Variants in GRAMD1C observed in about 807,000 individuals in gnomAD.
GRAMD1C encodes GRAM domain containing 1C.
A neutral mutation model predicts 97.8 loss-of-function variants in GRAMD1C; 89 were observed. The ratio of observed to expected loss-of-function variants is 0.91; its 90% CI spans 0.77 to 1.09. GRAMD1C has a LOEUF of 1.09. GRAMD1C is among the 50% of genes least tolerant of loss of function. GRAMD1C has a pLI of 0.00. For synonymous variants in GRAMD1C, 256 were observed against 267.0 expected, an observed-to-expected ratio of 0.96 and a Z score of 0.40; for missense variants, 740 against 766.4, an observed-to-expected ratio of 0.97 and a Z score of 0.41.
intron 9 of GRAMD1C, chr3:113,913,101 G>A: frequency 1.6e-6 from 2 of 1,283,534 alleles, no homozygotes; most frequent in Non-Finnish European, 2.0e-6. Flanking sequence ...TTAGTCATAC[G>A]CTGTTTACCT....
intron 8 of GRAMD1C, among the ~76,000 whole-genome samples, chr3:113,906,730 G>A (rs1577190068): frequency 6.6e-6 from 1 of 152,050 alleles, no homozygotes; most frequent in South Asian, 2.1e-4. Flanking sequence ...AATGTCCCAG[G>A]CCTTCACATT....
At chr3:113,923,938 T>C (rs1190386049) in intron 10 of GRAMD1C, among the ~76,000 whole-genome samples, 1 of 152,172 alleles carries the variant, frequency 6.6e-6, no homozygotes, top group African/African-American at 2.4e-5. Flanking sequence ...GGTTTTTAAT[T>C]ACTGGTTCAA....
intron 5 of GRAMD1C, among the ~76,000 whole-genome samples, chr3:113,877,299 A>ATAT (rs1303776803): frequency 6.6e-6 from 1 of 152,240 alleles, no homozygotes; most frequent in Non-Finnish European, 1.5e-5. Flanking sequence ...ACATTTTTCT[A>ATAT]TATAACCACA....
At chr3:113,883,965 G>A (rs1338220639) in intron 6 of GRAMD1C, among the ~76,000 whole-genome samples, 1 of 152,110 alleles carries the variant, frequency 6.6e-6, no homozygotes, top group Admixed American at 6.5e-5. Context: ...GGGAAACATG[G>A]TGAAACCCCA....
intron 10 of GRAMD1C, among the ~76,000 whole-genome samples, chr3:113,928,633 A>C (rs1416967987): frequency 1.3e-5 from 2 of 152,080 alleles, no homozygotes; most frequent in Non-Finnish European, 2.9e-5. Context: ...GTAACGCTCC[A>C]TTTCTTCCAT....
At chr3:113,865,878 G>A (rs1350202558) in intron 2 of GRAMD1C, among the ~76,000 whole-genome samples, 2 of 152,038 alleles carry the variant, frequency 1.3e-5, no homozygotes, top group African/African-American at 4.8e-5. Flanking sequence ...GGATTAAGAT[G>A]ATTTGAAGTT....
At chr3:113,835,221 CTACTGTTT>C (rs1709617397), upstream of GRAMD1C, among the ~76,000 whole-genome samples, 1 of 152,214 alleles carries the variant, frequency 6.6e-6, no homozygotes, top group South Asian at 2.1e-4. Context: ...CCCAGCAATG[CTACTGTTT>C]TACTGTTTTC....
upstream of GRAMD1C, among the ~76,000 whole-genome samples, chr3:113,836,320 G>A (rs960042672): frequency 6.6e-6 from 1 of 152,144 alleles, no homozygotes; most frequent in African/African-American, 2.4e-5. Flanking sequence ...CTGACATTTT[G>A]TGGAACTGGA....
In GRAMD1C at chr3:113,946,852, T is replaced by A. The variant is rs1938114263; in HGVS notation, c.*1374T>A. 6.6e-6 allele frequency: 1 copy of A among 152,226 alleles called. No individual in the cohort carries two copies. The highest frequency in any genetic ancestry group is 1.5e-5 in the Non-Finnish European group (1 of 68,038). 9.4% of individuals were successfully genotyped at this position (152,226 alleles called of 1,614,324 possible). A position where few individuals can be genotyped will look rare whatever the true frequency, so the allele number is the denominator to read the frequency against. ...GGGAAAATGGGTTTCTCTGGGTGAATTCCAACGAAGCATACCTAGGGGTAA... is the reference window on the plus strand; with the variant it reads ...GGGAAAATGGGTTTCTCTGGGTGAAATCCAACGAAGCATACCTAGGGGTAA... On this transcript the variant is annotated 3_prime_UTR_variant, in exon 18 of 18. Transcript: ENST00000358160.
chr3:113,943,525 T>C (rs1177731955), intron 17 of GRAMD1C, among the ~76,000 whole-genome samples: 1 of 152,220 alleles, frequency 6.6e-6, no homozygotes, highest in Admixed American at 6.5e-5. Flanking sequence ...GTGCCTATTC[T>C]GGACATGTTA....
intron 13 of GRAMD1C, among the ~76,000 whole-genome samples, chr3:113,935,537 C>T (rs6767593): frequency 0.37 from 55,584 of 150,506 alleles, 10,438 homozygotes; most frequent in Middle Eastern, 0.44. Flanking sequence ...TGTATATATA[C>T]GTGTGTGTAT....
In GRAMD1C at chr3:113,871,465, C is replaced by T. The variant is rs184370988; in HGVS notation, c.259+1874C>T. Among the ~76,000 whole-genome samples the T allele has an allele frequency of 5.7e-3, 865 of 150,546 alleles. 9 individuals carry two copies. The highest frequency in any genetic ancestry group is 0.02 in the African/African-American group (826 of 40,994). On this transcript the variant is annotated intron_variant, in intron 3 of 17. Transcript: ENST00000358160. ...GGTGGCTTGCTTGAGCCCAGGAGTT[C>T]GAGATCATCCTGGACAACGTAGTGA...
intron 2 of GRAMD1C, among the ~76,000 whole-genome samples, chr3:113,863,695 T>C (rs370685696): frequency 2.0e-5 from 3 of 152,174 alleles, no homozygotes; most frequent in South Asian, 2.1e-4. Flanking sequence ...CAGCCCTGCC[T>C]CCATGATTTT....
At chr3:113,871,230 A>AT (rs886292793) in intron 3 of GRAMD1C, among the ~76,000 whole-genome samples, 12 of 151,266 alleles carry the variant, frequency 7.9e-5, no homozygotes, top group African/African-American at 1.9e-4. Context: ...GTTCACATGG[A>AT]TTTTTTTTTG....
intron 6 of GRAMD1C, chr3:113,897,764 T>A: frequency 3.0e-6 from 3 of 984,896 alleles, no homozygotes; most frequent in Non-Finnish European, 3.6e-6. Context: ...ATCTTTATTT[T>A]GTTAAACTAC....
At chr3:113,838,463 T>C (rs1559771218), upstream of GRAMD1C, 1 of 156,498 alleles carries the variant, frequency 6.4e-6, no homozygotes, top group Non-Finnish European at 1.4e-5. Context: ...CCACAGCTAC[T>C]CGGGAGGCTG....
chr3:113,932,182 C>T (rs2107367342), intron 11 of GRAMD1C, among the ~76,000 whole-genome samples: 1 of 152,328 alleles, frequency 6.6e-6, no homozygotes, highest in Middle Eastern at 3.4e-3. Flanking sequence ...AGTCTGAAAA[C>T]ATCTCTTAAC....
At chr3:113,834,016 A>G (rs1709598857), upstream of GRAMD1C, among the ~76,000 whole-genome samples, 1 of 152,102 alleles carries the variant, frequency 6.6e-6, no homozygotes, top group Non-Finnish European at 1.5e-5. Flanking sequence ...TTTGTTTTCA[A>G]TTTTTACTAC....
At chr3:113,900,661 CGTGATCTGCCTGCCTCA>C (rs1260594710) in intron 6 of GRAMD1C, among the ~76,000 whole-genome samples, 5 of 151,216 alleles carry the variant, frequency 3.3e-5, no homozygotes, top group Non-Finnish European at 7.4e-5. Context: ...CTCTTGACCT[CGTGATCTGCCTGCCTCA>C]GCCTCCCAAA....
Sources: allele counts gnomAD v4.1 joint callset (sites outside exome capture counted in the v4.1 genomes callset), GRCh38; gene constraint gnomAD v4.1.1; transcripts MANE v1.5; gene names NCBI Gene and HGNC (gene_info 2026-07-23, HGNC 2026-07-21).